The following KCNH7 variants were observed in gnomAD, a reference collection of about 807,000 sequenced individuals.
KCNH7 encodes voltage-gated inwardly rectifying potassium channel KCNH7.
In KCNH7, 49 loss-of-function variants were observed where a neutral mutation model predicts 120.8. The observed-to-expected ratio is 0.41, with a 90% CI of 0.32 to 0.51. KCNH7 has a LOEUF of 0.51. Among genes scored for constraint, KCNH7 ranks in the 20% least tolerant of loss-of-function variants. The probability of loss-of-function intolerance (pLI) is 0.38; values close to 1 mark genes in which losing one functional copy is unlikely to be tolerated. For synonymous variants in KCNH7, 547 were observed against 516.1 expected, an observed-to-expected ratio of 1.06 and a Z score of -0.81; for missense variants, 1,097 against 1,446.6, an observed-to-expected ratio of 0.76 and a Z score of 3.92.
intron 2 of KCNH7, among the ~76,000 whole-genome samples, chr2:162,732,825 G>T (rs573432129): frequency 6.6e-6 from 1 of 152,308 alleles, no homozygotes; most frequent in African/African-American, 2.4e-5. Context: ...ATTCAGGAAA[G>T]TGTGGGTATC....
At chr2:162,748,914 CCCTTCCCTTT>C (rs1445859436) in intron 2 of KCNH7, among the ~76,000 whole-genome samples, 8,739 of 74,748 alleles carry the variant, frequency 0.12, 2,482 homozygotes, top group African/African-American at 0.5. Context: ...TTCCTTCCTT[CCCTTCCCTTT>C]CCTTTCCTTC....
At chr2:162,513,345 C>A (rs1691158770) in intron 4 of KCNH7, among the ~76,000 whole-genome samples, 1 of 112,588 alleles carries the variant, frequency 8.9e-6, no homozygotes, top group South Asian at 4.4e-4. Flanking sequence ...TTCCTTCCCT[C>A]CTTCCCTCCT....
intron 2 of KCNH7, among the ~76,000 whole-genome samples, chr2:162,702,499 A>G (rs1202710518): frequency 6.6e-6 from 1 of 152,176 alleles, no homozygotes; most frequent in Non-Finnish European, 1.5e-5. Context: ...ATTACTCATC[A>G]TTTACTTAAA....
At chr2:162,581,471 T>C (rs1693863545) in intron 2 of KCNH7, among the ~76,000 whole-genome samples, 2 of 152,022 alleles carry the variant, frequency 1.3e-5, no homozygotes, top group African/African-American at 2.4e-5. Flanking sequence ...GTTACCAAGG[T>C]ATTTGGGGCA....
intron 2 of KCNH7, among the ~76,000 whole-genome samples, chr2:162,600,727 T>C (rs952024121): frequency 4.6e-5 from 7 of 152,130 alleles, no homozygotes; most frequent in African/African-American, 1.7e-4. Flanking sequence ...ACAAACTCCA[T>C]TTCAGGGTTA....
At chr2:162,495,757 G>T (rs1309516343) in intron 6 of KCNH7, among the ~76,000 whole-genome samples, 1 of 152,120 alleles carries the variant, frequency 6.6e-6, no homozygotes, top group Non-Finnish European at 1.5e-5. Context: ...ATACCCAGCT[G>T]CAGCTCAGAA....
intron 6 of KCNH7, among the ~76,000 whole-genome samples, chr2:162,484,572 C>T (rs946134656): frequency 1.3e-5 from 2 of 152,086 alleles, no homozygotes; most frequent in Non-Finnish European, 2.9e-5. Context: ...TCATTTTTGG[C>T]AGTTAAACAT....
chr2:162,751,386 C>T (rs1688544273), intron 2 of KCNH7, among the ~76,000 whole-genome samples: 1 of 152,100 alleles, frequency 6.6e-6, no homozygotes, highest in South Asian at 2.1e-4. Flanking sequence ...TTAAATTCCA[C>T]ACTAGCTTTT....
At chr2:162,596,452 C>T (rs1408134672) in intron 2 of KCNH7, among the ~76,000 whole-genome samples, 1 of 151,964 alleles carries the variant, frequency 6.6e-6, no homozygotes, top group Non-Finnish European at 1.5e-5. Context: ...ACACACAAGG[C>T]AGAAAGGACA....
At chr2:162,640,678 C>T (rs527748611) in intron 2 of KCNH7, among the ~76,000 whole-genome samples, 3 of 151,834 alleles carry the variant, frequency 2.0e-5, no homozygotes, top group African/African-American at 2.4e-5. Flanking sequence ...AAAGATGATA[C>T]GTGGAAGGAA....
chr2:162,384,683 A>C lies in KCNH7; in HGVS notation c.2962+5T>G, dbSNP rs1275278956. On this transcript the variant is annotated splice_donor_5th_base_variant and intron_variant, in intron 13 of 15. Transcript: ENST00000332142. ...GAGACCACCTGATGTCTAACTCTGG[A>C]TTACCTTTGCAAGAGTGACTTCTTT... The C allele has an allele frequency of 1.9e-6, 3 of 1,611,498 alleles. No homozygotes were observed. The highest frequency in any genetic ancestry group is 4.5e-5 in the East Asian group (2 of 44,814).
chr2:162,752,929 A>AAAAGAAAAGAAAAGAAAAGAAAAGG (rs1688624315), intron 2 of KCNH7, among the ~76,000 whole-genome samples: 1 of 81,768 alleles, frequency 1.2e-5, no homozygotes, highest in Admixed American at 1.2e-4. Flanking sequence ...AAAAGAAAAG[A>AAAAGAAAAGAAAAGAAAAGAAAAGG]AAAGAAAAGA....
intron 7 of KCNH7, among the ~76,000 whole-genome samples, chr2:162,436,366 G>A (rs1042308706): frequency 1.2e-4 from 18 of 152,026 alleles, no homozygotes; most frequent in Admixed American, 1.0e-3. Flanking sequence ...GTGCTAAATT[G>A]AGAAATTATT....
intron 14 of KCNH7, among the ~76,000 whole-genome samples, chr2:162,378,104 A>C (rs77370678): frequency 0.021 from 3,141 of 152,324 alleles, 220 homozygotes; most frequent in Admixed American, 0.15. Flanking sequence ...AATATACTCA[A>C]ATGAACACCA....
intron 2 of KCNH7, among the ~76,000 whole-genome samples, chr2:162,695,103 T>C (rs756164719): frequency 1.3e-5 from 2 of 152,116 alleles, no homozygotes; most frequent in African/African-American, 2.4e-5. Flanking sequence ...ATTTTCTCAA[T>C]TAGTGGAGAA....
intron 2 of KCNH7, among the ~76,000 whole-genome samples, chr2:162,693,229 C>T (rs932962521): frequency 6.6e-6 from 1 of 152,148 alleles, no homozygotes; most frequent in African/African-American, 2.4e-5. Context: ...AACTCTGATT[C>T]TTCATTACAA....
intron 2 of KCNH7, among the ~76,000 whole-genome samples, chr2:162,641,846 A>G (rs1489636120): frequency 7.0e-6 from 1 of 143,618 alleles, no homozygotes; most frequent in Non-Finnish European, 1.5e-5. Flanking sequence ...TATTTCTTAC[A>G]ACTGCATTTT....
intron 12 of KCNH7, among the ~76,000 whole-genome samples, chr2:162,389,254 T>C (rs1049386574): frequency 3.9e-5 from 6 of 151,974 alleles, no homozygotes; most frequent in Non-Finnish European, 8.8e-5. Flanking sequence ...CTGAGAATTG[T>C]TTCTCAGCTT....
chr2:162,758,490 T>C (rs1688863780), intron 2 of KCNH7, among the ~76,000 whole-genome samples: 1 of 152,114 alleles, frequency 6.6e-6, no homozygotes, highest in Admixed American at 6.6e-5. Flanking sequence ...ACACATATTG[T>C]TTATATGTAT....
Sources: gnomAD v4.1 joint callset for allele counts (sites outside exome capture counted in the v4.1 genomes callset) on GRCh38, gnomAD v4.1.1 for gene constraint, MANE v1.5 for transcripts, NCBI Gene and HGNC (gene_info 2026-07-23, HGNC 2026-07-21) for gene names.